ABCA13: variants seen among roughly 807,000 people sequenced by gnomAD.
ABCA13 encodes the protein ATP-binding cassette sub-family A member 13.
ABCA13 carries 476 observed loss-of-function variants against 478.7 expected under a neutral mutation model. The ratio of observed to expected loss-of-function variants is 0.99; its 90% confidence interval spans 0.92 to 1.07. The LOEUF is 1.07. ABCA13 is among the 50% of genes least tolerant of loss of function. The pLI is 0.00. For synonymous variants in ABCA13, 2,252 were observed against 2,158.9 expected (o/e 1.04, Z -1.20); for missense variants, 6,060 against 5,910.6 (o/e 1.03, Z -0.83).
chr7:48,450,984 T>TC (rs1824945179), intron 42 of ABCA13, among the ~76,000 whole-genome samples: 1 of 144,970 alleles, frequency 6.9e-6, no homozygotes, highest in Admixed American at 6.9e-5. Flanking sequence ...TTTTTTTTTT[T>TC]CTTTTCTTTT....
chr7:48,276,776 A>G (rs1796362796), intron 17 of ABCA13, among the ~76,000 whole-genome samples: 1 of 152,350 alleles, frequency 6.6e-6, no homozygotes, highest in Non-Finnish European at 1.5e-5. Flanking sequence ...AACCCAGCCC[A>G]GGGTAATTAA....
intron 41 of ABCA13, among the ~76,000 whole-genome samples, 190 bp from the exon 42 acceptor site, chr7:48,427,576 T>C (rs1348202515): frequency 6.6e-6 from 1 of 152,224 alleles, no homozygotes; most frequent in Non-Finnish European, 1.5e-5. Flanking sequence ...TTGCATCCTA[T>C]GGGTAGCCTG....
chr7:48,592,083 G>GTGGGCTTA (rs1330739581), intron 57 of ABCA13, among the ~76,000 whole-genome samples: 3 of 151,806 alleles, frequency 2.0e-5, no homozygotes, highest in Non-Finnish European at 3.0e-5. Flanking sequence ...GATGTTAGTT[G>GTGGGCTTA]TGGGCTTATG....
chr7:48,365,982 G>A (rs372020074), intron 31 of ABCA13, among the ~76,000 whole-genome samples: 4 of 151,854 alleles, frequency 2.6e-5, no homozygotes, highest in Non-Finnish European at 5.9e-5. Context: ...ATTCCTCACA[G>A]AAATAGAAAA....
chr7:48,191,717 G>A (rs1274630083), intron 1 of ABCA13, among the ~76,000 whole-genome samples: 1 of 152,016 alleles, frequency 6.6e-6, no homozygotes, highest in African/African-American at 2.4e-5. Context: ...CAAAGAGGGT[G>A]ATTTCTTTTC....
intron 24 of ABCA13, 78 bp from the exon 25 acceptor site, chr7:48,312,989 C>T: frequency 1.4e-6 from 2 of 1,394,284 alleles, no homozygotes; most frequent in Non-Finnish European, 1.9e-6. Context: ...CAAGTTTTCA[C>T]AGCTCAAAAG....
In ABCA13 at chr7:48,507,944, C is replaced by T. The variant is rs368360327; in HGVS notation, c.13419C>T (p.Ile4473=). ...VLGFSILSAS[I]GSSVVRDRVI... ...GATTCTCCATCCTGTCTGCATCCAT[C>T]GGCAGCTCTGTGGTGAGGGACAGGG... The change falls in exon 50 of 62, where the codon ATC becomes ATT. Residue 4473 remains isoleucine, a synonymous_variant. Coordinates refer to ENST00000435803, the MANE Select transcript of ABCA13 (RefSeq NM_152701.5). 201 of 1,613,550 alleles carry T rather than the reference C, an allele frequency of 1.2e-4. No individual in the cohort carries two copies. The highest frequency in any genetic ancestry group is 1.7e-4 in the Middle Eastern group (1 of 6,058).
rs1256249490 is a variant in ABCA13, at chr7:48,278,852, A to G, written c.7658A>G (p.Lys2553Arg). ...HFISNTKDSVKFFDTLYSIMQ... is the reference protein window; with the variant it reads ...HFISNTKDSVRFFDTLYSIMQ... The stretch of plus-strand genomic sequence containing the variant: ...ATCTCCAATACCAAGGACAGTGTGA[A>G]ATTCTTTGACACTCTGTATTCCATC... The change falls in exon 18 of 62, where the codon AAA becomes AGA. Residue 2553 changes from lysine (K) to arginine (R), a missense_variant. Physicochemically the swap from Lys to Arg is conservative, Grantham distance 26. Coordinates refer to ENST00000435803, the MANE Select transcript of ABCA13 (RefSeq NM_152701.5). 10 of 1,613,608 alleles carry G rather than the reference A, an allele frequency of 6.2e-6. No homozygotes were observed. The South Asian group carries it at 6.6e-5, about 11-fold the overall frequency.
chr7:48,227,393 T>C lies in ABCA13; in HGVS notation c.600T>C (p.Asp200=), dbSNP rs1313976007. ...ATGATCATGTGGAAGATGGCATGGA[T>C]GTTGCAGTGAACCTTCTCCAGACCA... ...TSHDHVEDGM[D]VAVNLLQTIL... The change falls in exon 6 of 62, where the codon GAT becomes GAC. Residue 200 remains aspartate, a synonymous_variant. Transcript: ENST00000435803. 3 of 1,614,022 alleles carry C rather than the reference T, an allele frequency of 1.9e-6. No homozygotes were observed. The highest frequency in any genetic ancestry group is 2.5e-6 in the Non-Finnish European group (3 of 1,179,894).
intron 59 of ABCA13, among the ~76,000 whole-genome samples, chr7:48,641,261 A>T (rs935479780): frequency 1.3e-5 from 2 of 152,126 alleles, no homozygotes; most frequent in Non-Finnish European, 2.9e-5. Context: ...TCCTCATACC[A>T]TTGTATTTTT....
chr7:48,612,389 G>C (rs1028688408), intron 58 of ABCA13, among the ~76,000 whole-genome samples: 2 of 152,156 alleles, frequency 1.3e-5, no homozygotes, highest in African/African-American at 4.8e-5. Flanking sequence ...GCTTCCTGTA[G>C]AGCATTTGGT....
intron 53 of ABCA13, among the ~76,000 whole-genome samples, chr7:48,521,223 C>T (rs1832524705): frequency 8.5e-5 from 13 of 152,138 alleles, no homozygotes; most frequent in Admixed American, 8.5e-4. Flanking sequence ...ACCCAAGTGG[C>T]CTGAATTCAT....
rs752087164 is a variant in ABCA13 at position 48,310,105 on chromosome 7, G to C, written c.9480G>C (p.Leu3160=). ...AAGTGTATTCTCTGATTGTGTTGCT[G>C]AGTCGAAACTTGGATGTGCGAGCTT... ...GSKVYSLIVL[L]SRNLDVRAFI... is the part of the protein sequence containing the mutation. The change falls in exon 24 of 62, where the codon CTG becomes CTC. Residue 3160 remains leucine (L), a synonymous_variant. Transcript: ENST00000435803. The C allele has an allele frequency of 1.2e-6, 2 of 1,613,388 alleles. No individual in the cohort carries two copies. Among genetic ancestry groups the C allele is most frequent in the Non-Finnish European group, 1.7e-6 (2 of 1,179,432 alleles).
chr7:48,252,882 A>G (rs1792786897), intron 15 of ABCA13, among the ~76,000 whole-genome samples: 1 of 152,146 alleles, frequency 6.6e-6, no homozygotes, highest in Admixed American at 6.6e-5. Flanking sequence ...ATGTCTTGAT[A>G]CGTTCTCTTG....
chr7:48,198,017 C>T (rs199791787), intron 2 of ABCA13, among the ~76,000 whole-genome samples: 1 of 152,000 alleles, frequency 6.6e-6, no homozygotes, highest in Non-Finnish European at 1.5e-5. Context: ...AGCCATTCTG[C>T]CTTGAAACAT....
intron 8 of ABCA13, among the ~76,000 whole-genome samples, chr7:48,236,002 G>C (rs888844272): frequency 6.6e-6 from 1 of 152,170 alleles, no homozygotes; most frequent in Non-Finnish European, 1.5e-5. Flanking sequence ...TTTTGAGGTT[G>C]GGTGTACTAA....
chr7:48,286,478 T>A (rs913368161), intron 19 of ABCA13, among the ~76,000 whole-genome samples: 1 of 134,782 alleles, frequency 7.4e-6, no homozygotes, highest in African/African-American at 3.0e-5. Context: ...ATGCTGGAAC[T>A]GTTTTTTCCC....
At chr7:48,645,359 A>C in intron 61 of ABCA13, 58 bp from the exon 62 acceptor site, 1 of 1,375,154 alleles carries the variant, frequency 7.3e-7, no homozygotes, top group Non-Finnish European at 1.0e-6. Flanking sequence ...CTTTCTAATA[A>C]GTGAGACCAA....
intron 45 of ABCA13, among the ~76,000 whole-genome samples, chr7:48,477,121 G>A (rs142434943): frequency 6.6e-6 from 1 of 152,110 alleles, no homozygotes; most frequent in African/African-American, 2.4e-5. Flanking sequence ...TGATATTTTG[G>A]TGGGGGGGCG....
Sources: gnomAD v4.1 joint callset for allele counts (sites outside exome capture counted in the v4.1 genomes callset) on GRCh38, gnomAD v4.1.1 for gene constraint, MANE v1.5 for transcripts, NCBI Gene and HGNC (gene_info 2026-07-23, HGNC 2026-07-21) for gene names.